TYW1B: variants seen among roughly 807,000 people sequenced by gnomAD.
The protein encoded by TYW1B is tRNA-yW synthesizing protein 1 homolog B.
TYW1B carries 73 observed loss-of-function variants against 86.9 expected under a neutral mutation model. That is an observed-to-expected ratio of 0.84 (90% CI 0.70 to 1.02). The LOEUF is 1.02. TYW1B is among the 50% of genes least tolerant of loss of function. The pLI is 0.00. For missense variants in TYW1B, 637 were observed against 827.4 expected (o/e 0.77, Z 2.82); for synonymous variants, 248 against 292.8 (o/e 0.85, Z 1.56).
intron 3 of TYW1B, among the ~76,000 whole-genome samples, chr7:72,812,002 T>A (rs561590640): frequency 6.6e-6 from 1 of 151,234 alleles, no homozygotes; most frequent in Non-Finnish European, 1.5e-5. Flanking sequence ...GCAATAAAAA[T>A]TTTTAAACAT....
intron 11 of TYW1B, among the ~76,000 whole-genome samples, chr7:72,630,479 T>G (rs369668742): frequency 0.013 from 1,896 of 150,610 alleles, 43 homozygotes; most frequent in African/African-American, 0.041. Flanking sequence ...AACCACACCT[T>G]AAGTAGCAAT....
chr7:72,694,912 TA>T, intron 10 of TYW1B, 90 bp from the exon 11 acceptor site: 1 of 1,433,082 alleles, frequency 7.0e-7, no homozygotes, highest in Non-Finnish European at 9.3e-7. Flanking sequence ...ACATGGGTAT[TA>T]AACACTTCAC....
chr7:72,734,661 G>A (rs1295948221), intron 8 of TYW1B, among the ~76,000 whole-genome samples: 4 of 152,138 alleles, frequency 2.6e-5, no homozygotes, highest in Admixed American at 1.3e-4. Flanking sequence ...TCAACAGGGT[G>A]AAGAGACAAC....
intron 11 of TYW1B, among the ~76,000 whole-genome samples, chr7:72,657,477 G>A (rs1310584887): frequency 6.6e-6 from 1 of 151,784 alleles, no homozygotes; most frequent in African/African-American, 2.4e-5. Context: ...GAGAGATATA[G>A]ATAACCAGAT....
At chr7:72,720,445 C>A (rs1178449917) in intron 9 of TYW1B, among the ~76,000 whole-genome samples, 1 of 151,992 alleles carries the variant, frequency 6.6e-6, no homozygotes, top group Non-Finnish European at 1.5e-5. Flanking sequence ...TAATCATATT[C>A]CCCCATTTAG....
chr7:72,656,413 A>T (rs1813205439), intron 11 of TYW1B, among the ~76,000 whole-genome samples: 1 of 152,204 alleles, frequency 6.6e-6, no homozygotes, highest in Admixed American at 6.5e-5. Flanking sequence ...GCAAGAAAGC[A>T]TGATACCTCT....
At chr7:72,709,580 A>G (rs1304917452) in intron 10 of TYW1B, among the ~76,000 whole-genome samples, 2 of 152,176 alleles carry the variant, frequency 1.3e-5, no homozygotes, top group Non-Finnish European at 2.9e-5. Context: ...AGGCAGGAGA[A>G]TCACTTGAAC....
intron 11 of TYW1B, among the ~76,000 whole-genome samples, chr7:72,661,332 T>G (rs1179965395): frequency 6.6e-6 from 1 of 150,752 alleles, no homozygotes. Context: ...GTTTTTAATT[T>G]CAAGCACGAA....
chr7:72,815,000 C>A (rs1176490462), intron 3 of TYW1B, among the ~76,000 whole-genome samples: 1 of 146,596 alleles, frequency 6.8e-6, no homozygotes, highest in Admixed American at 7.1e-5. Context: ...AACCTGGAGA[C>A]GGACACTGCA....
intron 6 of TYW1B, among the ~76,000 whole-genome samples, chr7:72,798,095 T>A (rs1788340034): frequency 6.6e-6 from 1 of 152,124 alleles, no homozygotes. Context: ...AACGCACATT[T>A]TTTTAAATCT....
intron 10 of TYW1B, among the ~76,000 whole-genome samples, chr7:72,703,022 ATATATTTTT>A (rs1814521957): frequency 1.4e-4 from 1 of 7,154 alleles, no homozygotes; most frequent in African/African-American, 3.9e-4. Context: ...ATATATATAT[ATATATTTTT>A]TTTTTTTTTT....
chr7:72,723,190 G>A (rs1786936681), intron 9 of TYW1B: 3 of 379,690 alleles, frequency 7.9e-6, no homozygotes, highest in East Asian at 8.3e-5. Flanking sequence ...TGTGGGGCTG[G>A]GGCCTCACTT....
intron 7 of TYW1B, among the ~76,000 whole-genome samples, chr7:72,776,512 G>T (rs1486733945): frequency 8.6e-6 from 1 of 116,556 alleles, no homozygotes; most frequent in African/African-American, 3.3e-5. Flanking sequence ...AGTGAGCCAA[G>T]ATTATGCCAC....
rs1554428155 is a variant in TYW1B at position 72,574,906 on chromosome 7, G to A, written c.*592C>T. 7 of 986,080 alleles carry A rather than the reference G, an allele frequency of 7.1e-6. No homozygotes were observed. In the South Asian group the frequency reaches 1.9e-4, roughly 26 times the overall value. The allele number at this position is 986,080 out of a possible 1,614,324, so 61.1% of individuals were successfully genotyped here. On this transcript the variant is annotated 3_prime_UTR_variant, in exon 14 of 14. Coordinates refer to ENST00000620995, the MANE Select transcript of TYW1B (RefSeq NM_001145440.3). The stretch of plus-strand genomic sequence containing the variant: ...GATGAGATCTAGTAGTTTTAGATCC[G>A]ATGCAATTTTGGGAAGGGTTAGTAA...
intron 13 of TYW1B, among the ~76,000 whole-genome samples, chr7:72,589,808 G>A (rs552631555): frequency 2.8e-3 from 428 of 152,262 alleles, no homozygotes; most frequent in Non-Finnish European, 4.4e-3. Flanking sequence ...CCCGGGAGGC[G>A]GAGGTTGCAG....
chr7:72,747,696 C>G (rs1787420156), intron 7 of TYW1B, among the ~76,000 whole-genome samples: 1 of 152,126 alleles, frequency 6.6e-6, no homozygotes, highest in Non-Finnish European at 1.5e-5. Flanking sequence ...AGTAAGTTTG[C>G]CTATTTCTAC....
chr7:72,659,470 A>C (rs1338191350), intron 11 of TYW1B, among the ~76,000 whole-genome samples: 4 of 152,064 alleles, frequency 2.6e-5, no homozygotes, highest in East Asian at 1.9e-4. Flanking sequence ...CCCAGCTACT[A>C]GGGAGGCTGA....
intron 7 of TYW1B, chr7:72,768,877 C>T (rs1246738669): frequency 1.8e-5 from 6 of 332,834 alleles, no homozygotes; most frequent in East Asian, 9.2e-5. Flanking sequence ...GAATGGTTTA[C>T]TGTGGAGCAG....
chr7:72,632,376 TTATATATATAC>T (rs1812534409), intron 11 of TYW1B, among the ~76,000 whole-genome samples: 1 of 96,246 alleles, frequency 1.0e-5, no homozygotes, highest in Non-Finnish European at 1.9e-5. Context: ...CGCATATATA[TTATATATATAC>T]GTATATATAT....
Sources: gnomAD v4.1 joint callset for allele counts (sites outside exome capture counted in the v4.1 genomes callset) on GRCh38, gnomAD v4.1.1 for gene constraint, MANE v1.5 for transcripts, NCBI Gene and HGNC (gene_info 2026-07-23, HGNC 2026-07-21) for gene names.